The following ZFYVE28 variants were observed in gnomAD, a reference collection of about 807,000 sequenced individuals.
ZFYVE28 encodes zinc finger FYVE-type containing 28.
In ZFYVE28, 40 loss-of-function variants were observed where a neutral mutation model predicts 82.1. The ratio of observed to expected loss-of-function variants is 0.49; its 90% CI spans 0.38 to 0.63. The LOEUF (loss-of-function observed/expected upper bound fraction) is 0.63, where lower values mean the gene tolerates loss of function less well. Ranked by LOEUF, ZFYVE28 falls within the 30% of genes least tolerant of loss-of-function variation. The probability of loss-of-function intolerance (pLI) is 0.00; values close to 1 mark genes in which losing one functional copy is unlikely to be tolerated. For synonymous variants in ZFYVE28, 612 were observed against 546.1 expected (o/e 1.12, Z -1.68); for missense variants, 1,321 against 1,242.1 (o/e 1.06, Z -0.96).
intron 1 of ZFYVE28, among the ~76,000 whole-genome samples, chr4:2,379,941 C>T (rs937535134): frequency 1.6e-4 from 25 of 152,062 alleles, no homozygotes; most frequent in African/African-American, 6.0e-4. Flanking sequence ...CCATGAGCCA[C>T]AGTACCCAGC....
chr4:2,276,923 G>A (rs190454259), intron 8 of ZFYVE28, among the ~76,000 whole-genome samples: 3 of 152,134 alleles, frequency 2.0e-5, no homozygotes, highest in Non-Finnish European at 2.9e-5. Flanking sequence ...TCAATGCCAC[G>A]AAATTGTACG....
At chr4:2,291,424 C>T (rs1421304477) in intron 8 of ZFYVE28, among the ~76,000 whole-genome samples, 1 of 152,166 alleles carries the variant, frequency 6.6e-6, no homozygotes, top group East Asian at 1.9e-4. Context: ...GAGGCCCCAT[C>T]CCCTTCTAGG....
intron 8 of ZFYVE28, among the ~76,000 whole-genome samples, chr4:2,290,028 C>T (rs887567272): frequency 1.3e-5 from 2 of 152,106 alleles, no homozygotes; most frequent in African/African-American, 2.4e-5. Flanking sequence ...GCTGTCCTTG[C>T]GGAGGCCAGC....
At chr4:2,337,915 G>A (rs1010034146) in intron 4 of ZFYVE28, among the ~76,000 whole-genome samples, 2 of 142,746 alleles carry the variant, frequency 1.4e-5, no homozygotes, top group Non-Finnish European at 3.0e-5. Context: ...CATTTCGGCA[G>A]TTTCATAGTA....
chr4:2,385,132 C>A (rs1729117345), intron 1 of ZFYVE28, among the ~76,000 whole-genome samples: 1 of 152,170 alleles, frequency 6.6e-6, no homozygotes, highest in South Asian at 2.1e-4. Context: ...CTCAGGGACC[C>A]ACCTCATCAC....
chr4:2,270,884 C>G, intron 12 of ZFYVE28, 28 bp from the exon 13 acceptor site: 1 of 1,609,142 alleles, frequency 6.2e-7, no homozygotes, highest in East Asian at 2.2e-5. Flanking sequence ...CAGTGAGGGT[C>G]TGCGGCAGAC....
chr4:2,324,632 G>A (rs1338545803), intron 6 of ZFYVE28: 4 of 178,992 alleles, frequency 2.2e-5, no homozygotes, highest in Non-Finnish European at 4.9e-5. Context: ...GCTAAGAAGT[G>A]TTGCCCACAG....
chr4:2,368,269 G>A (rs1727132193), intron 1 of ZFYVE28, among the ~76,000 whole-genome samples: 1 of 150,892 alleles, frequency 6.6e-6, no homozygotes, highest in Admixed American at 6.6e-5. Flanking sequence ...AGGTGTGGTG[G>A]TCTGCACCTG....
chr4:2,304,431 G>A lies in ZFYVE28; in HGVS notation c.1909C>T (p.His637Tyr), dbSNP rs994991729. ...KAPTSDKCLP[H>Y]TSGSQVDTAS... ...GTGTCCACCTGGGAACCTGAGGTGT[G>A]AGGCAGGCACTTGTCGGAAGTGGGG... is the stretch of plus-strand genomic sequence containing the variant. The change falls in exon 8 of 13, where the codon CAC (histidine) becomes TAC (tyrosine). Residue 637 changes from histidine to tyrosine, a missense_variant. His to Tyr is a moderately conservative substitution (Grantham distance 83). This residue lies in a region of ZFYVE28 where 978 missense variants were observed against 833.7 expected (regional missense o/e 1.17). Coordinates refer to ENST00000290974, the MANE Select transcript of ZFYVE28 (RefSeq NM_020972.3). The A allele has an allele frequency of 7.4e-6, 12 of 1,613,554 alleles. No homozygotes were observed. The highest frequency in any genetic ancestry group is 1.7e-5 in the Admixed American group (1 of 60,012).
At chr4:2,389,811 C>T (rs919298559) in intron 1 of ZFYVE28, among the ~76,000 whole-genome samples, 1 of 152,160 alleles carries the variant, frequency 6.6e-6, no homozygotes, top group African/African-American at 2.4e-5. Flanking sequence ...AAGGGAGTGG[C>T]CTGCTGCTAG....
intron 1 of ZFYVE28, among the ~76,000 whole-genome samples, chr4:2,365,710 G>C (rs947230976): frequency 6.6e-6 from 1 of 152,126 alleles, no homozygotes; most frequent in Non-Finnish European, 1.5e-5. Flanking sequence ...TGGGCTACAC[G>C]GGGAGGACGT....
intron 1 of ZFYVE28, among the ~76,000 whole-genome samples, chr4:2,397,170 G>A (rs920068061): frequency 4.6e-5 from 7 of 152,126 alleles, no homozygotes; most frequent in African/African-American, 1.4e-4. Context: ...ACAACTCAGC[G>A]GCATTAAATG....
chr4:2,310,827 A>G (rs1478018054), intron 7 of ZFYVE28, among the ~76,000 whole-genome samples: 1 of 152,116 alleles, frequency 6.6e-6, no homozygotes, highest in Non-Finnish European at 1.5e-5. Context: ...AAGTTAGAAA[A>G]TGTCTTTTTT....
intron 8 of ZFYVE28, among the ~76,000 whole-genome samples, chr4:2,291,717 G>GC (rs889620684): frequency 1.3e-5 from 2 of 152,144 alleles, no homozygotes; most frequent in Non-Finnish European, 2.9e-5. Context: ...TTCTCCTGGA[G>GC]CCCCCCTCGG....
In ZFYVE28 at chr4:2,303,689, G is replaced by A. The variant is rs539112215; in HGVS notation, c.2051+600C>T. Among the ~76,000 whole-genome samples the A allele has an allele frequency of 7.2e-5, 11 of 152,302 alleles. No individual in the cohort carries two copies. In the East Asian group the frequency reaches 1.9e-3, roughly 27 times the overall value. ...GACCTCCCCATCTCCCCCCAGTGCAGGGCAAGGAGGAGAGAGTCCTGGGAG... is the reference window on the plus strand; with the variant it reads ...GACCTCCCCATCTCCCCCCAGTGCAAGGCAAGGAGGAGAGAGTCCTGGGAG... On this transcript the variant is annotated intron_variant, in intron 8 of 12. Coordinates refer to ENST00000290974, the MANE Select transcript of ZFYVE28 (RefSeq NM_020972.3).
intron 2 of ZFYVE28, among the ~76,000 whole-genome samples, chr4:2,352,152 T>C (rs1724565350): frequency 6.6e-6 from 1 of 152,118 alleles, no homozygotes; most frequent in Non-Finnish European, 1.5e-5. Flanking sequence ...ACCTGTGCAG[T>C]TCAAACCATG....
intron 8 of ZFYVE28, chr4:2,287,285 GC>G (rs1286424932): frequency 1.3e-5 from 2 of 152,404 alleles, no homozygotes; most frequent in African/African-American, 4.8e-5. Context: ...CACCCGCTGG[GC>G]GACCCTGGGC....
chr4:2,278,937 C>T (rs545364326), intron 8 of ZFYVE28, among the ~76,000 whole-genome samples: 5,383 of 150,200 alleles, frequency 0.036, 297 homozygotes, highest in African/African-American at 0.12. Flanking sequence ...GTTCCCCCCC[C>T]CCTCAAAAAA....
intron 1 of ZFYVE28, among the ~76,000 whole-genome samples, chr4:2,375,571 C>T (rs139031784): frequency 0.013 from 2,025 of 152,344 alleles, 20 homozygotes; most frequent in Middle Eastern, 0.034. Context: ...TGCTAAAGGA[C>T]GGTGTGAGGA....
Sources: gnomAD v4.1 joint callset for allele counts (sites outside exome capture counted in the v4.1 genomes callset) on GRCh38, gnomAD v4.1.1 for gene constraint, gnomAD v4.1.1 regional missense constraint, MANE v1.5 for transcripts, NCBI Gene and HGNC (gene_info 2026-07-23, HGNC 2026-07-21) for gene names.